The following DNAI1 variants were observed in gnomAD, a reference collection of about 807,000 sequenced individuals.
The protein encoded by DNAI1 is dynein axonemal intermediate chain 1.
In DNAI1, 67 loss-of-function variants were observed where a neutral mutation model predicts 92.0. That is an observed-to-expected ratio of 0.73 (90% CI 0.60 to 0.89). The LOEUF (loss-of-function observed/expected upper bound fraction) is 0.89. Ranked by LOEUF, DNAI1 falls within the 40% of genes least tolerant of loss-of-function variation. The pLI is 0.00. For missense variants in DNAI1, 839 were observed against 866.6 expected, an observed-to-expected ratio of 0.97 and a Z score of 0.40; for synonymous variants, 323 against 319.6, an observed-to-expected ratio of 1.01 and a Z score of -0.11.
intron 1 of DNAI1, among the ~76,000 whole-genome samples, chr9:34,479,059 A>G (rs759796438): frequency 6.6e-6 from 1 of 152,086 alleles, no homozygotes; most frequent in Non-Finnish European, 1.5e-5. Context: ...TTAGGCAGAG[A>G]TAGTGGAAGC....
In DNAI1 at chr9:34,501,139, A is replaced by G; in HGVS notation, c.1021A>G (p.Asn341Asp). The G allele has an allele frequency of 6.2e-7, 1 of 1,613,380 alleles. No individual in the cohort carries two copies. Among genetic ancestry groups the G allele is most frequent in the Non-Finnish European group, 8.5e-7 (1 of 1,179,312 alleles). ...KRLSVTALCW[N>D]PKYRDLFAVG... ...ATGGATTCATATTTTTTTTTGCAGGAATCCAAAGTACAGGGATCTGTTTGC... is the reference window on the plus strand; with the variant it reads ...ATGGATTCATATTTTTTTTTGCAGGGATCCAAAGTACAGGGATCTGTTTGC... The change falls in exon 12 of 20, where the codon AAT becomes GAT. Residue 341 changes from asparagine to aspartate, a missense_variant and splice_region_variant. Physicochemically the swap from Asn to Asp is conservative, Grantham distance 23. Coordinates refer to ENST00000242317, the MANE Select transcript of DNAI1 (RefSeq NM_012144.4).
chr9:34,460,697 T>C (rs1341235182), intron 1 of DNAI1, among the ~76,000 whole-genome samples: 1 of 152,154 alleles, frequency 6.6e-6, no homozygotes, highest in Non-Finnish European at 1.5e-5. Flanking sequence ...AGTTTCACTC[T>C]TGTCACCCAG....
At chr9:34,496,254 C>G (rs1824723913) in intron 9 of DNAI1, among the ~76,000 whole-genome samples, 1 of 152,168 alleles carries the variant, frequency 6.6e-6, no homozygotes, top group African/African-American at 2.4e-5. Flanking sequence ...TAGAACCCAT[C>G]CTTTTAACCG....
At chr9:34,506,318 ACACAC>A (rs1204985914) in intron 12 of DNAI1, among the ~76,000 whole-genome samples, 1 of 152,178 alleles carries the variant, frequency 6.6e-6, no homozygotes, top group African/African-American at 2.4e-5. Flanking sequence ...TCCCAAGCTC[ACACAC>A]CTTCTTCACT....
chr9:34,462,247 C>T (rs1038940026), intron 1 of DNAI1, among the ~76,000 whole-genome samples: 5 of 152,198 alleles, frequency 3.3e-5, no homozygotes, highest in Non-Finnish European at 7.3e-5. Context: ...CTGAACTGCC[C>T]TCACTTCCTG....
Position 34,506,656 on chromosome 9 carries a change from C to T in DNAI1, c.1093C>T (p.Leu365=), listed in dbSNP as rs1372196323. The T allele has an allele frequency of 3.1e-6, 5 of 1,614,222 alleles. No individual in the cohort carries two copies. Among genetic ancestry groups the T allele is most frequent in the Non-Finnish European group, 4.2e-6 (5 of 1,180,044 alleles). The change falls in exon 13 of 20, where the codon CTG becomes TTG. Residue 365 remains leucine, a synonymous_variant. Transcript: ENST00000242317. Reference sequence around the variant, plus strand: ...CTTCATGAAGCAGAGCCGGGGCATGCTGCTGCTCTACAGCCTGAAGAACCC... The same window carrying T: ...CTTCATGAAGCAGAGCCGGGGCATGTTGCTGCTCTACAGCCTGAAGAACCC... ...YDFMKQSRGM[L]LLYSLKNPSF...
chr9:34,483,340 C>T (rs1824410641), intron 1 of DNAI1, 108 bp from the exon 2 acceptor site: 1 of 1,109,734 alleles, frequency 9.0e-7, no homozygotes, highest in Non-Finnish European at 1.3e-6. Flanking sequence ...TGTCACCTCT[C>T]ACTTTGACTG....
intron 1 of DNAI1, among the ~76,000 whole-genome samples, chr9:34,463,129 T>C (rs1823979138): frequency 6.6e-6 from 1 of 151,186 alleles, no homozygotes; most frequent in Non-Finnish European, 1.5e-5. Context: ...CTGAAGGAAA[T>C]GAAAGAGCTA....
In DNAI1 at chr9:34,475,013, G is replaced by C. The variant is rs76447947; in HGVS notation, c.49-8435G>C. Among the ~76,000 whole-genome samples the C allele has an allele frequency of 3.2e-3, 482 of 152,276 alleles. 3 individuals are homozygous for C. Among genetic ancestry groups the C allele is most frequent in the Admixed American group, 1.6e-3 (25 of 15,290 alleles). On this transcript the variant is annotated intron_variant, in intron 1 of 19. Transcript: ENST00000242317. The stretch of plus-strand genomic sequence containing the variant: ...CTACCACAACAATGTATGTGTGCCT[G>C]TTACCCTGCATAGACCACTATTCAA...
intron 18 of DNAI1, among the ~76,000 whole-genome samples, chr9:34,516,744 C>CTTTTT (rs543113261): frequency 3.7e-5 from 5 of 135,064 alleles, no homozygotes; most frequent in Non-Finnish European, 7.9e-5. Flanking sequence ...CTTTTCTTTT[C>CTTTTT]TTTTTTTTTT....
Position 34,497,175 on chromosome 9 carries a change from A to G in DNAI1, c.877A>G (p.Asn293Asp), listed in dbSNP as rs780458190. The change falls in exon 10 of 20, where the codon AAT becomes GAT. Residue 293 changes from asparagine to aspartate, a missense_variant. By Grantham distance (23) the Asn-to-Asp change is conservative. Coordinates refer to ENST00000242317, the MANE Select transcript of DNAI1 (RefSeq NM_012144.4). Reference protein sequence around the residue: ...AKIMERMVNQNTYDDIAQDFK... With the variant: ...AKIMERMVNQDTYDDIAQDFK... ...GATCATGGAGCGGATGGTCAACCAGAATACATATGATGACATTGCTCAAGG... is the reference window on the plus strand; with the variant it reads ...GATCATGGAGCGGATGGTCAACCAGGATACATATGATGACATTGCTCAAGG... 1 of 1,614,050 alleles carries G rather than the reference A, an allele frequency of 6.2e-7. No homozygotes were observed. Among genetic ancestry groups the G allele is most frequent in the Admixed American group, 1.7e-5 (1 of 60,030 alleles).
intron 12 of DNAI1, among the ~76,000 whole-genome samples, chr9:34,504,304 C>G (rs1824884611): frequency 6.6e-6 from 1 of 152,202 alleles, no homozygotes; most frequent in Non-Finnish European, 1.5e-5. Context: ...TTAAATCTTT[C>G]CTGATCATTT....
intron 13 of DNAI1, among the ~76,000 whole-genome samples, chr9:34,508,453 C>T (rs1372757180): frequency 6.6e-6 from 1 of 152,192 alleles, no homozygotes; most frequent in Non-Finnish European, 1.5e-5. Flanking sequence ...CCAAAAAGTC[C>T]ACCTCCCAAT....
chr9:34,508,275 A>G (rs1564040095), intron 13 of DNAI1, among the ~76,000 whole-genome samples: 1 of 152,140 alleles, frequency 6.6e-6, no homozygotes, highest in Non-Finnish European at 1.5e-5. Flanking sequence ...GCCTGAGCAG[A>G]GGGAGGACTG....
chr9:34,489,520 A>T (rs1824539087), intron 5 of DNAI1, 71 bp downstream of exon 5: 29 of 1,578,544 alleles, frequency 1.8e-5, no homozygotes, highest in Non-Finnish European at 2.0e-5. Flanking sequence ...TCTAGGGAGT[A>T]TACCTCTAAG....
At chr9:34,512,009 TC>T in intron 13 of DNAI1, 99 bp from the exon 14 acceptor site, 1 of 1,118,474 alleles carries the variant, frequency 8.9e-7, no homozygotes, top group East Asian at 2.4e-5. Flanking sequence ...AGAAGTTGCT[TC>T]TGAGCCTCAG....
At chr9:34,499,389 G>T (rs988568603) in intron 10 of DNAI1, among the ~76,000 whole-genome samples, 1 of 152,226 alleles carries the variant, frequency 6.6e-6, no homozygotes, top group African/African-American at 2.4e-5. Context: ...GTCTAAAGAA[G>T]ATCAAGAACT....
intron 3 of DNAI1, 44 bp downstream of exon 3, chr9:34,485,284 G>C (rs1424796592): frequency 2.5e-6 from 4 of 1,612,150 alleles, no homozygotes; most frequent in Non-Finnish European, 3.4e-6. Flanking sequence ...ACCTCTTCCA[G>C]TTTCGGAGAT....
chr9:34,475,959 C>G (rs1824228723), intron 1 of DNAI1, among the ~76,000 whole-genome samples: 1 of 152,184 alleles, frequency 6.6e-6, no homozygotes, highest in Non-Finnish European at 1.5e-5. Context: ...CAAAACAGGT[C>G]TAAATGCAGG....
Sources: allele counts gnomAD v4.1 joint callset (sites outside exome capture counted in the v4.1 genomes callset), GRCh38; gene constraint gnomAD v4.1.1; transcripts MANE v1.5; gene names NCBI Gene and HGNC (gene_info 2026-07-23, HGNC 2026-07-21).